Variants in FRMPD4 observed in about 807,000 individuals in gnomAD.
The protein encoded by FRMPD4 is FERM and PDZ domain containing 4.
In FRMPD4, 22 loss-of-function variants were observed where a neutral mutation model predicts 94.1. The ratio of observed to expected loss-of-function variants is 0.23; its 90% CI spans 0.17 to 0.33. The LOEUF is 0.33. Ranked by LOEUF, FRMPD4 falls within the 10% of genes least tolerant of loss-of-function variation. The pLI is 1.00. For missense variants in FRMPD4, 1,111 were observed against 1,339.9 expected (o/e 0.83, Z 2.67); for synonymous variants, 631 against 548.6 (o/e 1.15, Z -2.10).
At chrX:12,472,781 T>A (rs928776399) in intron 1 of FRMPD4, among the ~76,000 whole-genome samples, 2 of 109,316 alleles carry the variant, frequency 1.8e-5, no homozygotes, top group Admixed American at 2.0e-4. Flanking sequence ...TAAAAAGAAA[T>A]GAACAAAGCC....
At chrX:12,625,571 T>G (rs2059337777) in intron 4 of FRMPD4, among the ~76,000 whole-genome samples, 1 of 111,786 alleles carries the variant, frequency 8.9e-6, no homozygotes, top group Non-Finnish European at 1.9e-5. Context: ...TATTAATATG[T>G]GGGAGCTAAA....
intron 1 of FRMPD4, among the ~76,000 whole-genome samples, chrX:12,393,730 A>T (rs761861506): frequency 1.5e-4 from 17 of 112,392 alleles, no homozygotes; most frequent in Admixed American, 4.7e-4. Context: ...TGTCTCCAAA[A>T]AAATTGGGAA....
intron 3 of FRMPD4, among the ~76,000 whole-genome samples, chrX:11,984,873 C>G (rs1012879411): frequency 1.2e-4 from 13 of 112,114 alleles, no homozygotes; most frequent in Admixed American, 3.8e-4. Flanking sequence ...AAAAAATGGG[C>G]AAAGGTCTTG....
chrX:12,660,820 C>T (rs10126832), intron 4 of FRMPD4, among the ~76,000 whole-genome samples: 2,484 of 111,753 alleles, frequency 0.022, 62 homozygotes, highest in African/African-American at 0.075. Flanking sequence ...ATGGCAGCTG[C>T]GGCTGGAGCC....
At chrX:12,261,679 A>G (rs2054191142) in intron 1 of FRMPD4, among the ~76,000 whole-genome samples, 1 of 112,261 alleles carries the variant, frequency 8.9e-6, no homozygotes, top group South Asian at 3.7e-4. Flanking sequence ...TATTATAAAA[A>G]TTTTAAATAT....
chrX:12,410,585 G>A (rs2056720018), intron 1 of FRMPD4, among the ~76,000 whole-genome samples: 2 of 111,214 alleles, frequency 1.8e-5, no homozygotes, highest in Admixed American at 1.9e-4. Flanking sequence ...CAGCTAAAAT[G>A]CCAATTTCAG....
chrX:12,431,082 A>C (rs1046557879), intron 1 of FRMPD4, among the ~76,000 whole-genome samples: 1 of 112,831 alleles, frequency 8.9e-6, no homozygotes, highest in South Asian at 3.6e-4. Context: ...ACGTATCTTC[A>C]ACCATTTACT....
chrX:12,243,026 A>C lies in FRMPD4; in HGVS notation c.41+104014A>C, dbSNP rs920416604. ...AGTGTTAGAATTATAGGCATGAGCC[A>C]CCACACCTGGCCCCAGCTAATTAAA... On this transcript the variant is annotated intron_variant, in intron 1 of 16. Coordinates refer to ENST00000675598, the MANE Select transcript of FRMPD4 (RefSeq NM_001368397.1). Among the ~76,000 whole-genome samples, 34 of 112,568 alleles carry C rather than the reference A, an allele frequency of 3.0e-4. 1 individual carries two copies. The highest frequency in any genetic ancestry group is 1.0e-3 in the African/African-American group (31 of 30,964).
chrX:12,222,420 A>G (rs763253775), intron 1 of FRMPD4, among the ~76,000 whole-genome samples: 1 of 112,326 alleles, frequency 8.9e-6, no homozygotes, highest in East Asian at 2.8e-4. Flanking sequence ...GAAGAAAACC[A>G]GGCATCCCAT....
chrX:12,167,712 C>T (rs1237259943), intron 1 of FRMPD4, among the ~76,000 whole-genome samples: 1 of 111,514 alleles, frequency 9.0e-6, no homozygotes, highest in Non-Finnish European at 1.9e-5. Flanking sequence ...TATGGGAAGA[C>T]GATATAATGG....
At chrX:12,338,817 A>T (rs2055565797) in intron 1 of FRMPD4, among the ~76,000 whole-genome samples, 2 of 112,580 alleles carry the variant, frequency 1.8e-5, no homozygotes, top group South Asian at 3.7e-4. Flanking sequence ...GCACCAGGGC[A>T]AATGTCCACA....
chrX:11,845,874 G>A (rs1405443558), intron 1 of FRMPD4, among the ~76,000 whole-genome samples: 1 of 107,963 alleles, frequency 9.3e-6, no homozygotes, highest in Non-Finnish European at 1.9e-5. Flanking sequence ...TTGATGGGAC[G>A]TATCTCAAAA....
intron 3 of FRMPD4, among the ~76,000 whole-genome samples, chrX:12,070,614 C>T (rs980936609): frequency 3.6e-5 from 4 of 111,806 alleles, no homozygotes; most frequent in Non-Finnish European, 7.5e-5. Context: ...GACCACACCA[C>T]TAAAGTGAAC....
chrX:12,451,446 A>T (rs5979629), intron 1 of FRMPD4, among the ~76,000 whole-genome samples: 9,308 of 110,955 alleles, frequency 0.084, 363 homozygotes, highest in Non-Finnish European at 0.12. Flanking sequence ...TTGGGAAGAG[A>T]GTTGAGGGAC....
intron 1 of FRMPD4, among the ~76,000 whole-genome samples, chrX:12,359,758 G>A (rs766404341): frequency 2.7e-5 from 3 of 112,110 alleles, no homozygotes; most frequent in African/African-American, 9.7e-5. Context: ...GTGAGCCACC[G>A]TGCCTGGCCA....
At chrX:12,484,302 C>A (rs760956404) in intron 1 of FRMPD4, among the ~76,000 whole-genome samples, 1 of 112,078 alleles carries the variant, frequency 8.9e-6, no homozygotes, top group Non-Finnish European at 1.9e-5. Flanking sequence ...AATGGGATTG[C>A]TGGAGCAGAA....
chrX:12,319,271 T>C (rs754504695), intron 1 of FRMPD4, among the ~76,000 whole-genome samples: 2 of 112,468 alleles, frequency 1.8e-5, no homozygotes, highest in South Asian at 7.5e-4. Flanking sequence ...GAGTTGTTCT[T>C]CCCTGTCTTG....
chrX:12,282,636 A>T (rs755975325), intron 1 of FRMPD4, among the ~76,000 whole-genome samples: 18 of 111,909 alleles, frequency 1.6e-4, no homozygotes, highest in Non-Finnish European at 3.4e-4. Context: ...CTAGGCCTGG[A>T]GAAGTTCAAG....
At chrX:12,338,652 T>A (rs1160233830) in intron 1 of FRMPD4, among the ~76,000 whole-genome samples, 1 of 112,486 alleles carries the variant, frequency 8.9e-6, no homozygotes, top group Non-Finnish European at 1.9e-5. Flanking sequence ...GTTAAGCCAT[T>A]AGAAGGGAAG....
Sources: gnomAD v4.1 joint callset for allele counts (sites outside exome capture counted in the v4.1 genomes callset) on GRCh38, gnomAD v4.1.1 for gene constraint, MANE v1.5 for transcripts, NCBI Gene and HGNC (gene_info 2026-07-23, HGNC 2026-07-21) for gene names.